The following SRP19 variants were observed in gnomAD, a reference collection of about 807,000 sequenced individuals.
SRP19 encodes signal recognition particle 19 kDa protein.
A neutral mutation model predicts 22.4 loss-of-function variants in SRP19; 11 were observed. The ratio of observed to expected loss-of-function variants is 0.49; its 90% CI spans 0.31 to 0.81. The LOEUF (loss-of-function observed/expected upper bound fraction) is 0.81. Among genes scored for constraint, SRP19 ranks in the 40% least tolerant of loss-of-function variants. The pLI is 0.05. For synonymous variants in SRP19, 61 were observed against 57.6 expected (o/e 1.06, Z -0.27); for missense variants, 168 against 175.9 (o/e 0.96, Z 0.25).
intron 4 of SRP19, chr5:112,878,670 T>A (rs1413220906): frequency 2.1e-6 from 3 of 1,419,384 alleles, no homozygotes; most frequent in Non-Finnish European, 2.9e-6. Context: ...ATCTTTAATA[T>A]CTCAAAAATG....
downstream of SRP19, among the ~76,000 whole-genome samples, chr5:112,872,081 T>C (rs1767772808): frequency 6.6e-6 from 1 of 152,192 alleles, no homozygotes; most frequent in Non-Finnish European, 1.5e-5. Flanking sequence ...TAGTTTTTCT[T>C]CTCTACCATA....
chr5:112,877,267 A>G (rs1248211793), intron 4 of SRP19: 1 of 152,152 alleles, frequency 6.6e-6, no homozygotes, highest in Non-Finnish European at 1.5e-5. Flanking sequence ...TTATGATCTT[A>G]CCTGATTGTT....
intron 4 of SRP19, among the ~76,000 whole-genome samples, chr5:112,882,346 G>A (rs997447088): frequency 3.9e-5 from 6 of 151,918 alleles, no homozygotes; most frequent in African/African-American, 4.8e-5. Context: ...GAGTATTCCC[G>A]CTATTATCCT....
exon 5 of SRP19, chr5:112,892,135 G>A (rs1372268486): frequency 1.2e-5 from 20 of 1,614,074 alleles, no homozygotes; most frequent in Non-Finnish European, 1.7e-5. Flanking sequence ...ACCACCCGTG[G>A]ATTTCAGAGT....
chr5:112,875,693 CCTTTT>C (rs1416993209), intron 4 of SRP19, among the ~76,000 whole-genome samples: 2 of 152,040 alleles, frequency 1.3e-5, no homozygotes, highest in African/African-American at 4.8e-5. Flanking sequence ...CTCAAGTACT[CCTTTT>C]CTTGATCTCT....
Position 112,878,606 on chromosome 5 carries a change from C to T in SRP19, c.302-12997C>T, listed in dbSNP as rs969019383. 3 of 876,490 alleles carry T rather than the reference C, an allele frequency of 3.4e-6. No individual in the cohort carries two copies. In the African/African-American group the frequency reaches 5.1e-5, roughly 15 times the overall value. The allele number at this position is 876,490 out of a possible 1,614,324, so 54.3% of individuals were successfully genotyped here. On this transcript the variant is annotated intron_variant, in intron 4 of 4. Transcript: ENST00000391338. Reference sequence around the variant, plus strand: ...TGCCCACTGCATTAAGTTTAAAGTGCTCCCTATATATATAGACAGTAAAAG... The same window carrying T: ...TGCCCACTGCATTAAGTTTAAAGTGTTCCCTATATATATAGACAGTAAAAG...
chr5:112,886,596 C>T (rs576197117), intron 4 of SRP19, among the ~76,000 whole-genome samples: 141 of 152,194 alleles, frequency 9.3e-4, no homozygotes, highest in African/African-American at 3.2e-3. Context: ...AAATTTACTA[C>T]GTAAATGCTT....
intron 2 of SRP19, among the ~76,000 whole-genome samples, chr5:112,863,830 A>G (rs1011259560): frequency 2.6e-5 from 4 of 152,070 alleles, no homozygotes; most frequent in African/African-American, 9.7e-5. Flanking sequence ...ATGTCCGGCT[A>G]CTTTGGTATT....
chr5:112,874,265 G>A (rs1441418803), downstream of SRP19, among the ~76,000 whole-genome samples: 1 of 152,122 alleles, frequency 6.6e-6, no homozygotes, highest in Non-Finnish European at 1.5e-5. Flanking sequence ...TCACTTGAAA[G>A]CCCAGGAGTT....
chr5:112,875,530 TAATTTTTTGG>T (rs1289589744), intron 4 of SRP19, among the ~76,000 whole-genome samples: 1 of 152,002 alleles, frequency 6.6e-6, no homozygotes. Context: ...CACACCTAGC[TAATTTTTTGG>T]TATTTTTTGT....
chr5:112,892,525 T>C (rs1479841886), exon 5 of SRP19: 1 of 1,614,040 alleles, frequency 6.2e-7, no homozygotes, highest in Non-Finnish European at 8.5e-7. Flanking sequence ...TAACGGACGA[T>C]GGTATGCAGG....
exon 5 of SRP19, chr5:112,892,920 C>T (rs1331042515): frequency 6.2e-7 from 1 of 1,606,386 alleles, no homozygotes; most frequent in East Asian, 2.2e-5. Flanking sequence ...ATTCACCAAG[C>T]AGAGGAAGAA....
chr5:112,880,154 T>A (rs1490026160), intron 4 of SRP19, among the ~76,000 whole-genome samples: 1 of 152,150 alleles, frequency 6.6e-6, no homozygotes, highest in Admixed American at 6.6e-5. Context: ...CTCATGTCTA[T>A]AATCCCAGAG....
chr5:112,867,562 G>T lies in SRP19; in HGVS notation c.*25G>T. On this transcript the variant is annotated 3_prime_UTR_variant, in exon 5 of 5. Transcript: ENST00000505459. ...ACCTAGTATCAGCATCAAGTATGTG[G>T]TACTACTGTAAGAGACATGAATGGA... The T allele has an allele frequency of 1.3e-6, 2 of 1,585,394 alleles. No individual in the cohort carries two copies. Among genetic ancestry groups the T allele is most frequent in the South Asian group, 1.1e-5 (1 of 88,006 alleles).
chr5:112,868,033 G>A lies in SRP19; in HGVS notation c.*496G>A. The A allele has an allele frequency of 1.2e-5, 12 of 985,906 alleles. No homozygotes were observed. Among genetic ancestry groups the A allele is most frequent in the Non-Finnish European group, 1.4e-5 (12 of 830,230 alleles). 61.1% of individuals were successfully genotyped at this position (985,906 alleles called of 1,614,324 possible). ...GAAACTGTGGTAGGTCCTTTTGTGG[G>A]TGGGGGACAGGGGAGTCTGTAAAAA... On this transcript the variant is annotated 3_prime_UTR_variant, in exon 5 of 5. Coordinates refer to ENST00000505459, the MANE Select transcript of SRP19 (RefSeq NM_003135.3).
At chr5:112,862,852 A>C (rs921399680) in intron 2 of SRP19, among the ~76,000 whole-genome samples, 1 of 152,200 alleles carries the variant, frequency 6.6e-6, no homozygotes, top group African/African-American at 2.4e-5. Flanking sequence ...ACATGTTTTT[A>C]AAACAAAGGT....
chr5:112,861,853 A>G (rs372871386), intron 1 of SRP19, among the ~76,000 whole-genome samples: 1 of 152,194 alleles, frequency 6.6e-6, no homozygotes, highest in African/African-American at 2.4e-5. Context: ...GTCTAATGTA[A>G]CAGTTACCCA....
intron 4 of SRP19, chr5:112,865,310 A>G (rs1561638927): frequency 6.6e-6 from 1 of 152,214 alleles, no homozygotes; most frequent in Non-Finnish European, 1.5e-5. Context: ...CGGGGTAGAG[A>G]GTAGAGACAC....
chr5:112,864,407 G>C (rs141034222), intron 2 of SRP19, 50 bp from the exon 3 acceptor site: 27,304 of 1,476,930 alleles, frequency 0.018, 325 homozygotes, highest in Middle Eastern at 0.024. Flanking sequence ...CACTATGGCA[G>C]TGTCCACTTA....
Sources: gnomAD v4.1 joint callset for allele counts (sites outside exome capture counted in the v4.1 genomes callset) on GRCh38, gnomAD v4.1.1 for gene constraint, MANE v1.5 for transcripts, NCBI Gene and HGNC (gene_info 2026-07-23, HGNC 2026-07-21) for gene names.